Variants in MCC observed in about 807,000 individuals in gnomAD.
MCC encodes the protein colorectal mutant cancer protein.
A neutral mutation model predicts 116.2 loss-of-function variants in MCC; 90 were observed. The ratio of observed to expected loss-of-function variants is 0.77; its 90% CI spans 0.65 to 0.92. MCC has a LOEUF of 0.92. MCC is among the 40% of genes least tolerant of loss of function. MCC has a pLI of 0.00. For missense variants in MCC, 1,516 were observed against 1,312.2 expected, an observed-to-expected ratio of 1.16 and a Z score of -2.40; for synonymous variants, 578 against 510.5, an observed-to-expected ratio of 1.13 and a Z score of -1.78.
At chr5:113,116,000 C>A (rs780297643) in intron 6 of MCC, among the ~76,000 whole-genome samples, 6 of 152,224 alleles carry the variant, frequency 3.9e-5, no homozygotes, top group African/African-American at 1.2e-4. Flanking sequence ...TCTGTCATCA[C>A]TGACCACAGC....
At chr5:113,458,122 C>T (rs1051786286) in intron 1 of MCC, among the ~76,000 whole-genome samples, 4 of 152,158 alleles carry the variant, frequency 2.6e-5, no homozygotes, top group East Asian at 3.9e-4. Context: ...GCAGGCTGCC[C>T]GAGCTAGCAG....
chr5:113,053,784 C>G lies in MCC; in HGVS notation c.2389G>C (p.Asp797His), dbSNP rs1752637169. ...PLSYDVKPRG[D>H]SQRLDLENAV... ...TTTTCCAGATCCAGCCTCTGGCTGT[C>G]TCCCCGAGGCTTGACGTCATAGCTG... The change falls in exon 15 of 19, where the codon GAC (aspartate) becomes CAC (histidine). Residue 797 changes from aspartate to histidine, a missense_variant. By Grantham distance (81) the Asp-to-His change is moderately conservative. Coordinates refer to ENST00000408903, the MANE Select transcript of MCC (RefSeq NM_001085377.2). 1 of 1,613,978 alleles carries G rather than the reference C, an allele frequency of 6.2e-7. No homozygotes were observed. The highest frequency in any genetic ancestry group is 8.5e-7 in the Non-Finnish European group (1 of 1,179,844).
At chr5:113,033,885 G>T (rs1322259063) in intron 17 of MCC, among the ~76,000 whole-genome samples, 1 of 152,088 alleles carries the variant, frequency 6.6e-6, no homozygotes, top group African/African-American at 2.4e-5. Context: ...TAACCGCAGA[G>T]CCAGGGTGGG....
At chr5:113,171,301 G>A (rs1333051280) in intron 3 of MCC, among the ~76,000 whole-genome samples, 3 of 150,976 alleles carry the variant, frequency 2.0e-5, no homozygotes, top group Admixed American at 6.6e-5. Context: ...AGCTTCAGTC[G>A]GGCAATTACC....
intron 6 of MCC, among the ~76,000 whole-genome samples, chr5:113,115,941 G>A (rs911838228): frequency 4.6e-5 from 7 of 152,098 alleles, no homozygotes; most frequent in African/African-American, 1.2e-4. Flanking sequence ...ATAGTTACAA[G>A]TATGTTTAGA....
At chr5:113,201,020 A>T (rs147734841) in intron 3 of MCC, among the ~76,000 whole-genome samples, 1 of 152,156 alleles carries the variant, frequency 6.6e-6, no homozygotes, top group Admixed American at 6.5e-5. Flanking sequence ...TTAAATTCTT[A>T]TATGGAACCC....
intron 12 of MCC, among the ~76,000 whole-genome samples, chr5:113,068,862 C>T (rs552851198): frequency 6.6e-6 from 1 of 152,316 alleles, no homozygotes; most frequent in South Asian, 2.1e-4. Flanking sequence ...TGACCAGAAT[C>T]TCACAAGAGA....
At chr5:113,136,996 T>A (rs1393953595) in intron 5 of MCC, among the ~76,000 whole-genome samples, 2 of 152,198 alleles carry the variant, frequency 1.3e-5, no homozygotes, top group Non-Finnish European at 1.5e-5. Context: ...CATGGGTTTG[T>A]CATAGGTTGC....
At chr5:113,284,794 T>G (rs1766180786) in intron 3 of MCC, among the ~76,000 whole-genome samples, 1 of 152,370 alleles carries the variant, frequency 6.6e-6, no homozygotes, top group Admixed American at 6.5e-5. Flanking sequence ...AGGAAATAAG[T>G]GTCAGCATTC....
chr5:113,327,561 A>AAAAATAT (rs1480996383), intron 3 of MCC, among the ~76,000 whole-genome samples: 24 of 80,562 alleles, frequency 3.0e-4, no homozygotes, highest in African/African-American at 9.4e-4. Context: ...AAAAAAAAAA[A>AAAAATAT]ATATATATAT....
intron 3 of MCC, among the ~76,000 whole-genome samples, chr5:113,215,026 CCATTTCCCTTACCTGGAACACAATCCT>C (rs374429690): frequency 0.027 from 3,769 of 139,086 alleles, 192 homozygotes; most frequent in African/African-American, 0.12. Context: ...AACACAATCC[CCATTTCCCTTACCTGGAACACAATCCT>C]CATCTCTCCC....
chr5:113,241,393 C>A (rs929517931), intron 3 of MCC, among the ~76,000 whole-genome samples: 1 of 152,182 alleles, frequency 6.6e-6, no homozygotes, highest in African/African-American at 2.4e-5. Flanking sequence ...ACTTCCTCAA[C>A]TCTGCGATAG....
chr5:113,433,417 G>A, intron 1 of MCC: 1 of 578,912 alleles, frequency 1.7e-6, no homozygotes. Flanking sequence ...TGCTCTTCCT[G>A]CTCTTGCTGT....
intron 7 of MCC, 36 bp downstream of exon 7, chr5:113,104,156 C>T (rs201149589): frequency 1.7e-5 from 26 of 1,550,906 alleles, no homozygotes; most frequent in Admixed American, 1.4e-4. Flanking sequence ...CCTTTCAGAA[C>T]CTCAAAGGGC....
rs533213073 is a variant in MCC at position 113,085,394 on chromosome 5, T to C, written c.1399-84A>G. 33 of 1,346,148 alleles carry C rather than the reference T, an allele frequency of 2.5e-5. No homozygotes were observed. In the East Asian group the frequency reaches 4.2e-4, roughly 17 times the overall value. The allele number at this position is 1,346,148 out of a possible 1,614,324, so 83.4% of individuals were successfully genotyped here. A position where few individuals can be genotyped will look rare whatever the true frequency, so the allele number is the denominator to read the frequency against. Reference sequence around the variant, plus strand: ...GCCAGATGGGTAGGTGGTGGGGCTTTCATTTACATTGAGGGATCAGCCCAC... The same window carrying C: ...GCCAGATGGGTAGGTGGTGGGGCTTCCATTTACATTGAGGGATCAGCCCAC... On this transcript the variant is annotated intron_variant, in intron 8 of 18. Coordinates refer to ENST00000408903, the MANE Select transcript of MCC (RefSeq NM_001085377.2).
chr5:113,249,526 C>G (rs985004321), intron 3 of MCC, among the ~76,000 whole-genome samples: 2 of 152,130 alleles, frequency 1.3e-5, no homozygotes, highest in Non-Finnish European at 2.9e-5. Context: ...TGTTGTGATC[C>G]CATTCATTCC....
chr5:113,260,665 G>A (rs1765188029), intron 3 of MCC, among the ~76,000 whole-genome samples: 1 of 151,816 alleles, frequency 6.6e-6, no homozygotes, highest in African/African-American at 2.4e-5. Context: ...ACTTGAAAGG[G>A]TCTTTTACCC....
intron 1 of MCC, among the ~76,000 whole-genome samples, chr5:113,455,418 G>A (rs564927303): frequency 4.6e-5 from 7 of 152,048 alleles, no homozygotes; most frequent in Non-Finnish European, 7.4e-5. Flanking sequence ...CTTGGCACAC[G>A]GCAGGAATTC....
intron 1 of MCC, among the ~76,000 whole-genome samples, chr5:113,394,533 C>G (rs76457354): frequency 0.024 from 3,623 of 152,280 alleles, 56 homozygotes; most frequent in Middle Eastern, 0.044. Flanking sequence ...ATTCCAGCCA[C>G]CAAATTTCTT....
Sources: allele counts gnomAD v4.1 joint callset (sites outside exome capture counted in the v4.1 genomes callset), GRCh38; gene constraint gnomAD v4.1.1; transcripts MANE v1.5; gene names NCBI Gene and HGNC (gene_info 2026-07-23, HGNC 2026-07-21).